SNX6: variants seen among roughly 807,000 people sequenced by gnomAD.
SNX6 encodes sorting nexin-6.
In SNX6, 34 loss-of-function variants were observed where a neutral mutation model predicts 63.0. That is an observed-to-expected ratio of 0.54 (90% CI 0.41 to 0.72). SNX6 has a LOEUF of 0.72. Among genes scored for constraint, SNX6 ranks in the 30% least tolerant of loss-of-function variants. The probability of loss-of-function intolerance (pLI) is 0.00; values close to 1 mark genes in which losing one functional copy is unlikely to be tolerated. For missense variants in SNX6, 398 were observed against 471.4 expected, an observed-to-expected ratio of 0.84 and a Z score of 1.44; for synonymous variants, 170 against 164.2, an observed-to-expected ratio of 1.04 and a Z score of -0.27.
At chr14:34,592,951 C>A in intron 8 of SNX6, 94 bp downstream of exon 8, 1 of 871,752 alleles carries the variant, frequency 1.1e-6, no homozygotes. Context: ...AGTTTGAGAA[C>A]TACTGCTCTA....
chr14:34,576,069 G>A (rs1042442777), intron 10 of SNX6, among the ~76,000 whole-genome samples: 31 of 151,022 alleles, frequency 2.1e-4, no homozygotes, highest in Non-Finnish European at 4.3e-4. Flanking sequence ...GACTACAGGC[G>A]CCCGCCACCA....
chr14:34,580,661 ATTT>A (rs11424362), intron 10 of SNX6, among the ~76,000 whole-genome samples: 2 of 138,644 alleles, frequency 1.4e-5, no homozygotes, highest in Non-Finnish European at 1.6e-5. Flanking sequence ...GAGGGATTCC[ATTT>A]TTTTTTTTTT....
chr14:34,587,081 T>C (rs1460413401), intron 8 of SNX6, among the ~76,000 whole-genome samples: 1 of 148,572 alleles, frequency 6.7e-6, no homozygotes, highest in Non-Finnish European at 1.5e-5. Flanking sequence ...AGACGTGACA[T>C]GATCATCTAT....
chr14:34,596,231 A>T (rs1423792715), intron 7 of SNX6, among the ~76,000 whole-genome samples: 1 of 151,582 alleles, frequency 6.6e-6, no homozygotes, highest in Non-Finnish European at 1.5e-5. Flanking sequence ...AAAAAAAAAG[A>T]AAAAAGAAAA....
chr14:34,628,264 C>A (rs1883904971), intron 2 of SNX6, among the ~76,000 whole-genome samples: 1 of 151,982 alleles, frequency 6.6e-6, no homozygotes, highest in Admixed American at 6.6e-5. Flanking sequence ...TCGAGACCAT[C>A]CTGGCTAACA....
intron 2 of SNX6, among the ~76,000 whole-genome samples, chr14:34,613,936 G>A (rs529644193): frequency 1.2e-4 from 18 of 151,760 alleles, no homozygotes; most frequent in East Asian, 5.8e-4. Context: ...GTGAAACCCC[G>A]TCTCTTACTA....
chr14:34,630,083 G>A (rs1883986476), intron 1 of SNX6, 28 bp downstream of exon 1: 12 of 1,451,630 alleles, frequency 8.3e-6, no homozygotes, highest in Non-Finnish European at 1.1e-5. Flanking sequence ...CCGCGCTCCC[G>A]GGACTCGGCG....
chr14:34,563,324 C>A, intron 13 of SNX6, 149 bp from the exon 14 acceptor site: 1 of 654,020 alleles, frequency 1.5e-6, no homozygotes, highest in East Asian at 3.0e-5. Flanking sequence ...TCTGGGAGGC[C>A]GAGGCGGGTG....
At chr14:34,615,441 C>A (rs958026305) in intron 2 of SNX6, among the ~76,000 whole-genome samples, 3 of 152,152 alleles carry the variant, frequency 2.0e-5, no homozygotes, top group Non-Finnish European at 4.4e-5. Flanking sequence ...AGGCTGTTCT[C>A]GACCTCCTGG....
rs556493389 is a variant in SNX6 at position 34,564,501 on chromosome 14, TAC to T, written c.1168-1328_1168-1327del. On this transcript the variant is annotated intron_variant, in intron 13 of 13. Coordinates refer to ENST00000362031, the MANE Select transcript of SNX6 (RefSeq NM_152233.4). ...ATAGAACAGTTATCAGAAATCTAAATACAGAGAACTCAGGTCAGAAAGAACTT... is the reference window on the plus strand; with the variant it reads ...ATAGAACAGTTATCAGAAATCTAAATAGAGAACTCAGGTCAGAAAGAACTT... Among the ~76,000 whole-genome samples, 1,000 of 152,116 alleles carry T rather than the reference TAC, an allele frequency of 6.6e-3. 7 individuals are homozygous for T. The highest frequency in any genetic ancestry group is 0.023 in the African/African-American group (968 of 41,506).
intron 7 of SNX6, among the ~76,000 whole-genome samples, chr14:34,597,260 T>C (rs982651563): frequency 3.9e-5 from 6 of 152,252 alleles, no homozygotes; most frequent in Non-Finnish European, 8.8e-5. Context: ...GCTTGGGATT[T>C]GGGTAGGGAG....
intron 2 of SNX6, 132 bp downstream of exon 2, chr14:34,629,775 G>C: frequency 7.2e-7 from 1 of 1,382,162 alleles, no homozygotes; most frequent in African/African-American, 1.4e-5. Flanking sequence ...GCGGTGCAGC[G>C]AGGAAACCGA....
intron 2 of SNX6, among the ~76,000 whole-genome samples, chr14:34,615,720 C>T (rs1883394103): frequency 6.6e-6 from 1 of 150,572 alleles, no homozygotes; most frequent in South Asian, 2.1e-4. Flanking sequence ...TTAAGCAATC[C>T]CCTCCGTCCT....
At chr14:34,621,601 G>A (rs1341556670) in intron 2 of SNX6, among the ~76,000 whole-genome samples, 1 of 152,152 alleles carries the variant, frequency 6.6e-6, no homozygotes, top group Non-Finnish European at 1.5e-5. Context: ...GGTGGGGGCA[G>A]GTTAGATGCC....
At chr14:34,619,181 T>C (rs555699141) in intron 2 of SNX6, among the ~76,000 whole-genome samples, 1 of 152,162 alleles carries the variant, frequency 6.6e-6, no homozygotes, top group African/African-American at 2.4e-5. Context: ...CCCAACACTT[T>C]GGGAGGCCAA....
At chr14:34,622,069 C>T (rs1212410034) in intron 2 of SNX6, among the ~76,000 whole-genome samples, 2 of 148,676 alleles carry the variant, frequency 1.3e-5, no homozygotes, top group Non-Finnish European at 3.0e-5. Context: ...AGCGATTCTC[C>T]TGCCTCAGTT....
chr14:34,629,894 A>T lies in SNX6; in HGVS notation c.54+13T>A. The T allele has an allele frequency of 1.3e-6, 2 of 1,556,270 alleles. No homozygotes were observed. Among genetic ancestry groups the T allele is most frequent in the Non-Finnish European group, 1.7e-6 (2 of 1,150,564 alleles). On this transcript the variant is annotated intron_variant, in intron 2 of 13. Transcript: ENST00000362031. Reference sequence around the variant, plus strand: ...GTCCAGGGTCCCGCGAGCGAAAGGAAGGCAGAACTTACTCCGCGGTCCTCT... The same window carrying T: ...GTCCAGGGTCCCGCGAGCGAAAGGATGGCAGAACTTACTCCGCGGTCCTCT...
chr14:34,599,435 T>C (rs760308424), intron 6 of SNX6, among the ~76,000 whole-genome samples: 1 of 152,054 alleles, frequency 6.6e-6, no homozygotes, highest in South Asian at 2.1e-4. Flanking sequence ...GGTGAAATCC[T>C]GTCTCTACTA....
intron 11 of SNX6, 191 bp downstream of exon 11, chr14:34,575,565 G>A (rs912098386): frequency 3.8e-6 from 1 of 263,212 alleles, no homozygotes; most frequent in South Asian, 7.1e-5. Flanking sequence ...CTTTTATGTA[G>A]GGTTTCCCAC....
Sources: allele counts gnomAD v4.1 joint callset (sites outside exome capture counted in the v4.1 genomes callset), GRCh38; gene constraint gnomAD v4.1.1; transcripts MANE v1.5; gene names NCBI Gene and HGNC (gene_info 2026-07-23, HGNC 2026-07-21).